BEST3: variants seen among roughly 807,000 people sequenced by gnomAD.
BEST3 encodes the protein bestrophin 3.
BEST3 carries 50 observed loss-of-function variants against 47.1 expected under a neutral mutation model. The ratio of observed to expected loss-of-function variants is 1.06; its 90% CI spans 0.85 to 1.34. The LOEUF is 1.34. Among genes scored for constraint, BEST3 ranks in the 40% most tolerant of loss-of-function variants. The pLI is 0.00. For synonymous variants in BEST3, 282 were observed against 298.8 expected, an observed-to-expected ratio of 0.94 and a Z score of 0.58; for missense variants, 765 against 817.0, an observed-to-expected ratio of 0.94 and a Z score of 0.78.
chr12:69,652,397 TC>T, downstream of BEST3, among the ~76,000 whole-genome samples: 1 of 152,332 alleles, frequency 6.6e-6, no homozygotes, highest in East Asian at 1.9e-4. Flanking sequence ...TTTGTTTTTT[TC>T]AACCGTGGTC....
intron 4 of BEST3, among the ~76,000 whole-genome samples, chr12:69,682,153 T>C (rs775474): frequency 0.7 from 105,782 of 150,682 alleles, 37,217 homozygotes; most frequent in South Asian, 0.81. Flanking sequence ...ATTCAATTGA[T>C]CTAGGATGAG....
intron 9 of BEST3, among the ~76,000 whole-genome samples, chr12:69,661,910 C>A (rs1438621792): frequency 4.6e-5 from 7 of 152,286 alleles, no homozygotes; most frequent in African/African-American, 1.7e-4. Flanking sequence ...AGAGGCTTAT[C>A]TAGCTACATC....
At chr12:69,672,202 T>G (rs559319006) in intron 8 of BEST3, among the ~76,000 whole-genome samples, 1 of 152,340 alleles carries the variant, frequency 6.6e-6, no homozygotes, top group East Asian at 1.9e-4. Context: ...CCTAAGAGAC[T>G]GACATTGGGA....
At chr12:69,695,873 A>C (rs1013468961) in intron 2 of BEST3, among the ~76,000 whole-genome samples, 21 of 152,304 alleles carry the variant, frequency 1.4e-4, no homozygotes, top group African/African-American at 4.6e-4. Flanking sequence ...AAAATGGTTC[A>C]TATTAATAGT....
In BEST3 at chr12:69,671,442, T is replaced by C. The variant is rs1203742465; in HGVS notation, c.1086A>G (p.Ser362=). The change falls in exon 9 of 10, where the codon TCA becomes TCG. Residue 362 remains serine (S), a synonymous_variant. Coordinates refer to ENST00000330891, the MANE Select transcript of BEST3 (RefSeq NM_032735.3). ...AATGCACTTACCCCATCTGGACTGT[T>C]GACCCCAGAAATGAGGGTATGCAGT... ...ADYCIPSFLG[S]TVQMGLSGSD... 1.2e-6 allele frequency: 2 copies of C among 1,613,794 alleles called. No individual in the cohort carries two copies. Among genetic ancestry groups the C allele is most frequent in the African/African-American group, 2.7e-5 (2 of 74,892 alleles).
chr12:69,692,895 G>A (rs929596451), intron 4 of BEST3, among the ~76,000 whole-genome samples: 2 of 151,840 alleles, frequency 1.3e-5, no homozygotes, highest in African/African-American at 4.8e-5. Flanking sequence ...CCCGAGTAGC[G>A]GGAATTACAG....
intron 9 of BEST3, among the ~76,000 whole-genome samples, chr12:69,647,349 T>G (rs1417155399): frequency 6.6e-6 from 1 of 152,230 alleles, no homozygotes; most frequent in Non-Finnish European, 1.5e-5. Flanking sequence ...AGTCGGCTTT[T>G]GTGCAAATGA....
At chr12:69,663,405 A>G (rs1883986796) in intron 9 of BEST3, among the ~76,000 whole-genome samples, 1 of 152,212 alleles carries the variant, frequency 6.6e-6, no homozygotes, top group Admixed American at 6.5e-5. Flanking sequence ...TCATTATTAC[A>G]TTAGGGTTTG....
intron 7 of BEST3, 43 bp downstream of exon 7, chr12:69,676,873 A>G (rs1392992353): frequency 6.3e-7 from 1 of 1,592,022 alleles, no homozygotes; most frequent in South Asian, 1.1e-5. Flanking sequence ...GAGAGTCTGG[A>G]ACATAACACA....
At position 69,654,372 on chromosome 12, in the gene BEST3, T is replaced by C; in HGVS notation, c.*535A>G. On this transcript the variant is annotated 3_prime_UTR_variant, in exon 10 of 10. Transcript: ENST00000330891. ...AAGCTTAAGAATCAGGAAGTGATAA[T>C]AACAATAATAGTTATAAAAGTAGGA... 1.0e-6 allele frequency: 1 copy of C among 985,022 alleles called. No individual in the cohort carries two copies. The highest frequency in any genetic ancestry group is 1.2e-6 in the Non-Finnish European group (1 of 829,758). The allele number at this position is 985,022 out of a possible 1,614,324, so 61.0% of individuals were successfully genotyped here. A position where few individuals can be genotyped will look rare whatever the true frequency, so the allele number is the denominator to read the frequency against.
At chr12:69,677,127 A>T (rs1884974192) in intron 6 of BEST3, 53 bp downstream of exon 6, 4 of 1,613,480 alleles carry the variant, frequency 2.5e-6, no homozygotes, top group Non-Finnish European at 3.4e-6. Flanking sequence ...GCGAAGCTAC[A>T]GTGCCAAGGT....
intron 3 of BEST3, chr12:69,694,140 G>A: frequency 1.8e-6 from 1 of 570,608 alleles, no homozygotes; most frequent in Non-Finnish European, 3.1e-6. Flanking sequence ...TGGAGAGTTA[G>A]TGAAGAGAAA....
rs188001309 is a variant in BEST3, at chr12:69,675,511, C to T, written c.867+1405G>A. On this transcript the variant is annotated intron_variant, in intron 7 of 9. Transcript: ENST00000330891. ...TGCTCTTTATGGGCTGGTCAAGCAC[C>T]TTACATGGAGACAAAACAAAGAATA... Among the ~76,000 whole-genome samples the T allele has an allele frequency of 2.7e-3, 406 of 152,268 alleles. 2 individuals carry two copies. Among genetic ancestry groups the T allele is most frequent in the Non-Finnish European group, 4.3e-3 (290 of 68,012 alleles).
intron 4 of BEST3, chr12:69,689,379 CT>C: frequency 2.3e-6 from 1 of 432,168 alleles, no homozygotes; most frequent in Non-Finnish European, 3.1e-6. Flanking sequence ...TCTCTCCTGG[CT>C]TAGAGGATAG....
intron 9 of BEST3, among the ~76,000 whole-genome samples, chr12:69,662,837 T>C (rs1369250968): frequency 6.6e-6 from 1 of 152,228 alleles, no homozygotes; most frequent in African/African-American, 2.4e-5. Context: ...GCTCTTTAAA[T>C]GGGATTACAG....
In BEST3 at chr12:69,672,879, T is replaced by C. The variant is rs774952560; in HGVS notation, c.948+6A>G. On this transcript the variant is annotated splice_donor_region_variant and intron_variant, in intron 8 of 9. Transcript: ENST00000330891. Reference sequence around the variant, plus strand: ...CATTTGAAAAAGAAAGAAAAATTCCTCTAACCTGCAAATTTCTGTCAATGC... The same window carrying C: ...CATTTGAAAAAGAAAGAAAAATTCCCCTAACCTGCAAATTTCTGTCAATGC... 6.2e-7 allele frequency: 1 copy of C among 1,601,640 alleles called. No individual in the cohort carries two copies. Among genetic ancestry groups the C allele is most frequent in the Admixed American group, 1.7e-5 (1 of 58,346 alleles).
At position 69,654,065 on chromosome 12, in the gene BEST3, T is replaced by G; in HGVS notation, c.*842A>C. The G allele has an allele frequency of 9.1e-6, 9 of 985,450 alleles. No individual in the cohort carries two copies. Among genetic ancestry groups the G allele is most frequent in the Non-Finnish European group, 1.1e-5 (9 of 829,932 alleles). 61.0% of individuals were successfully genotyped at this position (985,450 alleles called of 1,614,324 possible). On this transcript the variant is annotated 3_prime_UTR_variant, in exon 10 of 10. Transcript: ENST00000330891. ...GGGGGAACCATCACTCCTATATGCC[T>G]TCCACTGGAAGTGAGACTGGAAGGG...
At chr12:69,680,005 GATA>G (rs1885150729) in intron 4 of BEST3, among the ~76,000 whole-genome samples, 1 of 152,086 alleles carries the variant, frequency 6.6e-6, no homozygotes, top group African/African-American at 2.4e-5. Context: ...GTAAAAGAGA[GATA>G]ATATTTGCTT....
At chr12:69,696,590 A>C (rs1472356951) in intron 2 of BEST3, among the ~76,000 whole-genome samples, 4 of 152,180 alleles carry the variant, frequency 2.6e-5, no homozygotes, top group African/African-American at 9.7e-5. Context: ...TATTTTGTCA[A>C]GATATATACC....
Sources: allele counts gnomAD v4.1 joint callset (sites outside exome capture counted in the v4.1 genomes callset), GRCh38; gene constraint gnomAD v4.1.1; transcripts MANE v1.5; gene names NCBI Gene and HGNC (gene_info 2026-07-23, HGNC 2026-07-21).